Variants in BAZ2B observed in about 807,000 individuals in gnomAD.
The protein encoded by BAZ2B is bromodomain adjacent to zinc finger domain protein 2B.
BAZ2B carries 91 observed loss-of-function variants against 246.0 expected under a neutral mutation model. The ratio of observed to expected loss-of-function variants is 0.37; its 90% CI spans 0.31 to 0.44. BAZ2B has a LOEUF of 0.44. Among genes scored for constraint, BAZ2B ranks in the 20% least tolerant of loss-of-function variants. BAZ2B has a pLI of 1.00. For missense variants in BAZ2B, 2,332 were observed against 2,533.7 expected (o/e 0.92, Z 1.71); for synonymous variants, 855 against 860.0 (o/e 0.99, Z 0.10).
intron 1 of BAZ2B, among the ~76,000 whole-genome samples, chr2:159,581,312 C>A (rs1337508427): frequency 3.3e-5 from 5 of 152,120 alleles, no homozygotes; most frequent in African/African-American, 7.2e-5. Flanking sequence ...CCAACAGACA[C>A]ATGAAAAAAT....
downstream of BAZ2B, among the ~76,000 whole-genome samples, chr2:159,315,532 C>G (rs536295229): frequency 4.7e-3 from 710 of 152,306 alleles, 4 homozygotes; most frequent in African/African-American, 0.016. Context: ...CTATTGGCTG[C>G]TCCATAGGGC....
intron 1 of BAZ2B, among the ~76,000 whole-genome samples, chr2:159,563,237 C>A (rs977914267): frequency 6.6e-6 from 1 of 152,080 alleles, no homozygotes; most frequent in Non-Finnish European, 1.5e-5. Context: ...AATTTCATCA[C>A]AAACAAAAAA....
intron 1 of BAZ2B, among the ~76,000 whole-genome samples, chr2:159,597,259 T>C (rs928749171): frequency 1.3e-5 from 2 of 152,224 alleles, no homozygotes; most frequent in African/African-American, 2.4e-5. Context: ...TCTTGCAAAT[T>C]TGAGTATTTA....
the BAZ2B span, among the ~76,000 whole-genome samples, chr2:159,679,457 T>C: frequency 6.6e-6 from 1 of 152,126 alleles, no homozygotes; most frequent in Non-Finnish European, 1.5e-5. Flanking sequence ...TATATATTCA[T>C]CCATGGAAGA....
the BAZ2B span, among the ~76,000 whole-genome samples, chr2:159,670,159 T>C: frequency 6.6e-6 from 1 of 152,016 alleles, no homozygotes; most frequent in African/African-American, 2.4e-5. Context: ...TTACTAGAGA[T>C]GGGTTTTTAC....
At chr2:159,338,778 G>A (rs2066100921) in intron 31 of BAZ2B, among the ~76,000 whole-genome samples, 1 of 151,990 alleles carries the variant, frequency 6.6e-6, no homozygotes, top group African/African-American at 2.4e-5. Flanking sequence ...GTCTCCAATT[G>A]TCCAAACCAT....
chr2:159,450,663 AAGGATTATATAAAT>A (rs1308463484), intron 4 of BAZ2B, among the ~76,000 whole-genome samples: 1 of 152,198 alleles, frequency 6.6e-6, no homozygotes, highest in Non-Finnish European at 1.5e-5. Context: ...AATACAAAAT[AAGGATTATATAAAT>A]CAGCATATGG....
intron 2 of BAZ2B, among the ~76,000 whole-genome samples, chr2:159,530,313 TA>T (rs2085241348): frequency 2.0e-5 from 3 of 152,238 alleles, no homozygotes; most frequent in Admixed American, 1.3e-4. Flanking sequence ...CATGACTTAT[TA>T]CTCTTCAGTA....
chr2:159,624,250 G>A, the BAZ2B span, among the ~76,000 whole-genome samples: 2 of 152,190 alleles, frequency 1.3e-5, no homozygotes, highest in African/African-American at 2.4e-5. Flanking sequence ...CTGGGGGAAG[G>A]GACGGCTGTG....
chr2:159,534,387 G>A (rs2085704882), intron 2 of BAZ2B, among the ~76,000 whole-genome samples: 1 of 152,166 alleles, frequency 6.6e-6, no homozygotes, highest in Admixed American at 6.5e-5. Flanking sequence ...GCATGATACT[G>A]TATGGAATAC....
At chr2:159,626,036 C>T in the BAZ2B span, among the ~76,000 whole-genome samples, 1 of 151,042 alleles carries the variant, frequency 6.6e-6, no homozygotes, top group African/African-American at 2.4e-5. Flanking sequence ...ATTCTAGTCT[C>T]TGAGGAAACA....
chr2:159,630,755 C>T, the BAZ2B span, among the ~76,000 whole-genome samples: 4 of 152,034 alleles, frequency 2.6e-5, no homozygotes, highest in Non-Finnish European at 5.9e-5. Flanking sequence ...AGGATGGTCT[C>T]GATCTCCTGA....
chr2:159,532,116 C>T (rs1486899719), intron 2 of BAZ2B, among the ~76,000 whole-genome samples: 2 of 151,960 alleles, frequency 1.3e-5, no homozygotes, highest in African/African-American at 4.8e-5. Context: ...ATTTTATTTC[C>T]TTAGAAATTG....
At chr2:159,472,339 T>C (rs2077909588) in intron 3 of BAZ2B, among the ~76,000 whole-genome samples, 1 of 152,254 alleles carries the variant, frequency 6.6e-6, no homozygotes, top group South Asian at 2.1e-4. Flanking sequence ...GCTTATCAGC[T>C]TAAGGAGATT....
chr2:159,328,411 C>T (rs558329821), intron 34 of BAZ2B, among the ~76,000 whole-genome samples: 26 of 152,204 alleles, frequency 1.7e-4, no homozygotes, highest in Admixed American at 6.5e-4. Flanking sequence ...GGTGGCTCAC[C>T]GGCTCCAAAC....
chr2:159,591,737 A>C (rs1689434258), intron 1 of BAZ2B, among the ~76,000 whole-genome samples: 1 of 152,184 alleles, frequency 6.6e-6, no homozygotes, highest in Non-Finnish European at 1.5e-5. Context: ...CAGAAACCAG[A>C]AATCACCAAA....
rs1347863064 is a variant in BAZ2B, at chr2:159,431,132, T to A, written c.1925A>T (p.Asp642Val). ...QSESDSNSESDTEGSEEEDDD... is the reference protein window; with the variant it reads ...QSESDSNSESVTEGSEEEDDD... ...ATCTTCTTCTTCTGATCCTTCTGTATCTGATTCTGAATTACTATCTGATTC... is the reference window on the plus strand; with the variant it reads ...ATCTTCTTCTTCTGATCCTTCTGTAACTGATTCTGAATTACTATCTGATTC... Residue 642 changes from aspartate (D) to valine (V), a missense_variant, in exon 10 of 37, where the codon GAT becomes GTT. Physicochemically the swap from Asp to Val is radical, Grantham distance 152 (BLOSUM62 -3). This residue lies in a region of BAZ2B where 651 missense variants were observed against 650.9 expected (regional missense o/e 1.00). Coordinates refer to ENST00000392783, the MANE Select transcript of BAZ2B (RefSeq NM_013450.4). 8 of 1,609,170 alleles carry A rather than the reference T, an allele frequency of 5.0e-6. No homozygotes were observed. Among genetic ancestry groups the A allele is most frequent in the Non-Finnish European group, 6.0e-6 (7 of 1,176,422 alleles).
At chr2:159,550,909 T>TA (rs1302015248) in intron 2 of BAZ2B, among the ~76,000 whole-genome samples, 14 of 152,104 alleles carry the variant, frequency 9.2e-5, no homozygotes, top group Non-Finnish European at 1.6e-4. Context: ...AATCTTGGCT[T>TA]ACTGCAGCCT....
At chr2:159,625,435 G>A in the BAZ2B span, among the ~76,000 whole-genome samples, 8 of 152,140 alleles carry the variant, frequency 5.3e-5, no homozygotes, top group Non-Finnish European at 8.8e-5. Flanking sequence ...CAGAAAGGTC[G>A]GGTTACCCAC....
Sources: gnomAD v4.1 joint callset for allele counts (sites outside exome capture counted in the v4.1 genomes callset) on GRCh38, gnomAD v4.1.1 for gene constraint, gnomAD v4.1.1 regional missense constraint, MANE v1.5 for transcripts, NCBI Gene and HGNC (gene_info 2026-07-23, HGNC 2026-07-21) for gene names.